Variants in ATXN1 observed in about 807,000 individuals in gnomAD.
ATXN1 encodes ataxin 1, also known as ataxin-1.
Under a neutral mutation model 56.4 loss-of-function variants are expected in ATXN1, and 8 were observed. The ratio of observed to expected loss-of-function variants is 0.14; its 90% CI spans 0.08 to 0.26. ATXN1 has a LOEUF of 0.26. Among genes scored for constraint, ATXN1 ranks in the 10% least tolerant of loss-of-function variants. The probability of loss-of-function intolerance (pLI) is 1.00; values close to 1 mark genes in which losing one functional copy is unlikely to be tolerated. For synonymous variants in ATXN1, 514 were observed against 494.6 expected (o/e 1.04, Z -0.52); for missense variants, 987 against 1,106.5 (o/e 0.89, Z 1.53).
intron 4 of ATXN1, among the ~76,000 whole-genome samples, chr6:16,562,451 A>AGGAGAGG (rs1762137103): frequency 1.1e-5 from 1 of 90,526 alleles, no homozygotes; most frequent in African/African-American, 5.5e-5. Flanking sequence ...GAAAAGAAAG[A>AGGAGAGG]AAAGGAGAGG....
chr6:16,663,634 T>C (rs1306249997), intron 2 of ATXN1, among the ~76,000 whole-genome samples: 1 of 149,638 alleles, frequency 6.7e-6, no homozygotes, highest in African/African-American at 2.5e-5. Flanking sequence ...GCCAGGAGCA[T>C]GTTTTTTAAT....
chr6:16,565,699 CA>C (rs1762204518), intron 4 of ATXN1, among the ~76,000 whole-genome samples: 1 of 152,116 alleles, frequency 6.6e-6, no homozygotes, highest in Admixed American at 6.5e-5. Context: ...CAAATGAAAA[CA>C]TTGCTCAAAA....
intron 5 of ATXN1, among the ~76,000 whole-genome samples, chr6:16,489,063 T>C (rs1760606600): frequency 6.6e-6 from 1 of 152,168 alleles, no homozygotes; most frequent in Non-Finnish European, 1.5e-5. Flanking sequence ...CTACCACACA[T>C]TCTGACCCAA....
chr6:16,750,963 CCT>C (rs1184522284), intron 2 of ATXN1, among the ~76,000 whole-genome samples: 2 of 150,454 alleles, frequency 1.3e-5, no homozygotes, highest in African/African-American at 4.9e-5. Flanking sequence ...TCTTTTCTTT[CCT>C]CTCTTTTTTT....
chr6:16,563,034 C>T (rs142497714), intron 4 of ATXN1, among the ~76,000 whole-genome samples: 77 of 151,964 alleles, frequency 5.1e-4, no homozygotes, highest in Middle Eastern at 3.4e-3. Context: ...TCTTCTTGCT[C>T]CTCTGGGATG....
chr6:16,390,316 T>C (rs539052506), intron 6 of ATXN1, among the ~76,000 whole-genome samples: 1 of 152,344 alleles, frequency 6.6e-6, no homozygotes, highest in African/African-American at 2.4e-5. Flanking sequence ...ATCACCTTCC[T>C]GGCTAATCTT....
chr6:16,376,719 T>C (rs179959), intron 6 of ATXN1, among the ~76,000 whole-genome samples: 126,858 of 152,236 alleles, frequency 0.83, 53,227 homozygotes, highest in East Asian at 1. Flanking sequence ...CTTAAGCACA[T>C]CATTTACATT....
chr6:16,669,017 G>A (rs1485943476), intron 2 of ATXN1, among the ~76,000 whole-genome samples: 1 of 152,126 alleles, frequency 6.6e-6, no homozygotes, highest in East Asian at 1.9e-4. Context: ...TGTACACTTT[G>A]TATAAAATGA....
intron 2 of ATXN1, among the ~76,000 whole-genome samples, chr6:16,683,164 A>G (rs917399744): frequency 4.6e-5 from 7 of 152,216 alleles, no homozygotes; most frequent in Non-Finnish European, 1.0e-4. Flanking sequence ...TTGTAATACA[A>G]TCAATCACTT....
rs76785860 is a variant in ATXN1 at position 16,466,580 on chromosome 6, A to T, written c.-161+19392T>A. On this transcript the variant is annotated intron_variant, in intron 6 of 7. Coordinates refer to ENST00000436367, the MANE Select transcript of ATXN1 (RefSeq NM_001128164.2). ...AGTCAGTAGCCAGAAAAATATTTTGAAAATCTGTAATAATTCAGATGGAAA... is the reference window on the plus strand; with the variant it reads ...AGTCAGTAGCCAGAAAAATATTTTGTAAATCTGTAATAATTCAGATGGAAA... Among the ~76,000 whole-genome samples the T allele has an allele frequency of 8.3e-3, 1,264 of 152,324 alleles. 14 individuals are homozygous for T. The highest frequency in any genetic ancestry group is 0.029 in the African/African-American group (1,197 of 41,568).
intron 6 of ATXN1, among the ~76,000 whole-genome samples, chr6:16,414,943 C>G (rs550317405): frequency 6.6e-6 from 1 of 152,182 alleles, no homozygotes; most frequent in Admixed American, 6.5e-5. Flanking sequence ...AGTTGAGCTA[C>G]TGGATTCTAG....
At chr6:16,456,522 G>C (rs1187420130) in intron 6 of ATXN1, among the ~76,000 whole-genome samples, 5 of 152,150 alleles carry the variant, frequency 3.3e-5, no homozygotes, top group Non-Finnish European at 5.9e-5. Context: ...GCTAAGCCTA[G>C]GGTCGACAGA....
At chr6:16,548,157 A>C (rs991935903) in intron 4 of ATXN1, among the ~76,000 whole-genome samples, 2 of 152,228 alleles carry the variant, frequency 1.3e-5, no homozygotes, top group Non-Finnish European at 2.9e-5. Context: ...ACTGCAGGCA[A>C]ATGTATTACA....
intron 7 of ATXN1, among the ~76,000 whole-genome samples, chr6:16,315,340 G>C (rs1345204807): frequency 6.6e-6 from 1 of 152,068 alleles, no homozygotes; most frequent in Non-Finnish European, 1.5e-5. Flanking sequence ...AACTGTATGG[G>C]TTCCTTTTCC....
intron 6 of ATXN1, among the ~76,000 whole-genome samples, chr6:16,429,402 T>A (rs1759230158): frequency 7.1e-6 from 1 of 141,426 alleles, no homozygotes. Flanking sequence ...CCAGTAGCAA[T>A]AGCATCAGAG....
rs752645816 is a variant in ATXN1 at position 16,327,666 on chromosome 6, CTGCTGCTGCTGA to C, written c.633_644del (p.His211_Gln214del). ...GCTGCTGCTGCTGCTGCTGCTGCTG[CTGCTGCTGCTGA>C]TGCTGATGCTGCTGCTGCTGCTGCT... On this transcript the variant is annotated inframe_deletion, in exon 7 of 8. Transcript: ENST00000436367. 19 of 1,528,890 alleles carry C rather than the reference CTGCTGCTGCTGA, an allele frequency of 1.2e-5. No homozygotes were observed. The East Asian group carries it at 2.2e-4, about 17-fold the overall frequency. The allele number at this position is 1,528,890 out of a possible 1,614,324, so 94.7% of individuals were successfully genotyped here. A position where few individuals can be genotyped will look rare whatever the true frequency, so the allele number is the denominator to read the frequency against.
intron 4 of ATXN1, among the ~76,000 whole-genome samples, chr6:16,525,983 A>T (rs1761384812): frequency 6.7e-6 from 1 of 149,754 alleles, no homozygotes; most frequent in South Asian, 2.1e-4. Flanking sequence ...ATGACCCCAG[A>T]CTCTCTCCTA....
chr6:16,692,758 C>G (rs1235193811), intron 2 of ATXN1, among the ~76,000 whole-genome samples: 1 of 152,112 alleles, frequency 6.6e-6, no homozygotes. Context: ...CAGGTACATT[C>G]CATGTTCTAT....
intron 6 of ATXN1, among the ~76,000 whole-genome samples, chr6:16,476,528 AAAAAAAC>A (rs1200533537): frequency 1.3e-5 from 2 of 152,032 alleles, no homozygotes; most frequent in South Asian, 2.1e-4. Flanking sequence ...TAATCCAAAA[AAAAAAAC>A]AAAAAACAAA....
Sources: allele counts gnomAD v4.1 joint callset (sites outside exome capture counted in the v4.1 genomes callset), GRCh38; gene constraint gnomAD v4.1.1; transcripts MANE v1.5; gene names NCBI Gene and HGNC (gene_info 2026-07-23, HGNC 2026-07-21).